The following DNAI3 variants were observed in gnomAD, a reference collection of about 807,000 sequenced individuals.
The protein encoded by DNAI3 is dynein axonemal intermediate chain 3.
A neutral mutation model predicts 115.5 loss-of-function variants in DNAI3; 83 were observed. That is an observed-to-expected ratio of 0.72 (90% CI 0.60 to 0.86). The LOEUF is 0.86. DNAI3 is among the 40% of genes least tolerant of loss of function. The pLI is 0.00. For missense variants in DNAI3, 1,004 were observed against 1,075.8 expected, an observed-to-expected ratio of 0.93 and a Z score of 0.93; for synonymous variants, 320 against 347.0, an observed-to-expected ratio of 0.92 and a Z score of 0.86.
intron 7 of DNAI3, among the ~76,000 whole-genome samples, chr1:85,087,961 G>A (rs1654847836): frequency 6.6e-6 from 1 of 152,118 alleles, no homozygotes; most frequent in African/African-American, 2.4e-5. Context: ...CAAGAAATGA[G>A]TCAGAAACAA....
At chr1:85,084,478 A>ATG in intron 5 of DNAI3, 68 bp from the exon 6 acceptor site, 1 of 1,116,356 alleles carries the variant, frequency 9.0e-7, no homozygotes, top group South Asian at 3.9e-5. Flanking sequence ...TGCAAAATAT[A>ATG]TATATATATA....
intron 14 of DNAI3, 127 bp downstream of exon 14, chr1:85,104,724 G>A: frequency 1.3e-6 from 1 of 753,888 alleles, no homozygotes; most frequent in South Asian, 1.9e-5. Context: ...ATAACTAAAT[G>A]AAAGAATGTT....
At chr1:85,095,833 G>T (rs1655106030) in intron 10 of DNAI3, 98 bp from the exon 11 acceptor site, 7 of 1,150,372 alleles carry the variant, frequency 6.1e-6, no homozygotes, top group South Asian at 1.3e-5. Context: ...CTTATAGATA[G>T]CTATAAAATT....
At chr1:85,121,857 T>C in intron 18 of DNAI3, 43 bp downstream of exon 18, 1 of 1,593,540 alleles carries the variant, frequency 6.3e-7, no homozygotes, top group Non-Finnish European at 8.6e-7. Flanking sequence ...ATGTTCCTTT[T>C]AATTTAAACT....
At chr1:85,067,819 T>G (rs1163393438) in intron 1 of DNAI3, among the ~76,000 whole-genome samples, 1 of 152,110 alleles carries the variant, frequency 6.6e-6, no homozygotes, top group East Asian at 1.9e-4. Flanking sequence ...CTCTAGAGAT[T>G]GGAAAAGGCA....
At chr1:85,113,498 CA>C (rs1655718213) in intron 16 of DNAI3, among the ~76,000 whole-genome samples, 1 of 152,104 alleles carries the variant, frequency 6.6e-6, no homozygotes, top group African/African-American at 2.4e-5. Context: ...GCACCTTTGT[CA>C]AAAAACACTT....
chr1:85,103,833 G>C (rs1655402013), intron 13 of DNAI3, among the ~76,000 whole-genome samples: 1 of 151,062 alleles, frequency 6.6e-6, no homozygotes, highest in Non-Finnish European at 1.5e-5. Flanking sequence ...GTTGCAGTGA[G>C]CTGAGATTGT....
intron 16 of DNAI3, among the ~76,000 whole-genome samples, chr1:85,116,396 A>G (rs1276890225): frequency 3.3e-5 from 5 of 152,190 alleles, no homozygotes; most frequent in Admixed American, 6.5e-5. Flanking sequence ...TTGTAACCCT[A>G]TAGATCAGGG....
chr1:85,119,556 C>T (rs1399183957), intron 17 of DNAI3, among the ~76,000 whole-genome samples: 1 of 152,220 alleles, frequency 6.6e-6, no homozygotes, highest in Non-Finnish European at 1.5e-5. Context: ...CCTGCTCAAA[C>T]TCTTCAGTGA....
At chr1:85,068,768 T>G (rs1010947247) in intron 1 of DNAI3, among the ~76,000 whole-genome samples, 1 of 152,168 alleles carries the variant, frequency 6.6e-6, no homozygotes, top group African/African-American at 2.4e-5. Flanking sequence ...GATCATACAT[T>G]CCCACCTTCT....
chr1:85,111,475 A>T (rs533976929), intron 16 of DNAI3, among the ~76,000 whole-genome samples: 46 of 152,272 alleles, frequency 3.0e-4, no homozygotes, highest in Non-Finnish European at 4.0e-4. Flanking sequence ...TCATTCATTT[A>T]ACAGATATTT....
At chr1:85,080,439 G>T (rs1293877751) in intron 3 of DNAI3, among the ~76,000 whole-genome samples, 1 of 152,202 alleles carries the variant, frequency 6.6e-6, no homozygotes, top group Non-Finnish European at 1.5e-5. Context: ...TTGAATGGAT[G>T]CTGGTGGCTG....
At chr1:85,100,684 T>A (rs1655271393) in intron 13 of DNAI3, among the ~76,000 whole-genome samples, 2 of 152,190 alleles carry the variant, frequency 1.3e-5, no homozygotes, top group African/African-American at 4.8e-5. Flanking sequence ...GTATGTTTAT[T>A]GCGGCACTAT....
intron 1 of DNAI3, among the ~76,000 whole-genome samples, chr1:85,070,650 GT>G (rs2100554114): frequency 6.6e-6 from 1 of 152,224 alleles, no homozygotes; most frequent in South Asian, 2.1e-4. Context: ...AAAGATAAAT[GT>G]TTCAGATGAT....
intron 3 of DNAI3, among the ~76,000 whole-genome samples, chr1:85,074,844 A>G (rs1654403287): frequency 6.6e-6 from 1 of 152,152 alleles, no homozygotes; most frequent in South Asian, 2.1e-4. Flanking sequence ...TTTAATGTAT[A>G]TTGTTGATTC....
At chr1:85,075,639 C>T (rs1654429231) in intron 3 of DNAI3, among the ~76,000 whole-genome samples, 1 of 152,074 alleles carries the variant, frequency 6.6e-6, no homozygotes, top group Admixed American at 6.6e-5. Flanking sequence ...AACAAGGAGC[C>T]AAGGTATCAA....
Position 85,082,389 on chromosome 1 carries a change from A to C in DNAI3, c.375A>C (p.Lys125Asn), listed in dbSNP as rs1389103701. 3 of 1,612,620 alleles carry C rather than the reference A, an allele frequency of 1.9e-6. No individual in the cohort carries two copies. Among genetic ancestry groups the C allele is most frequent in the Non-Finnish European group, 2.5e-6 (3 of 1,178,860 alleles). The change falls in exon 5 of 23, where the codon AAA becomes AAC. Residue 125 changes from lysine to asparagine, a missense_variant. Transcript: ENST00000294664. The part of the protein sequence containing the change: ...NFYLIATEEG[K>N]ENYLNPPEVP... Reference sequence around the variant, plus strand: ...ATCTTATTGCAACTGAAGAGGGCAAAGAAAACTATTTAAATGTGAGCAAAC... The same window carrying C: ...ATCTTATTGCAACTGAAGAGGGCAACGAAAACTATTTAAATGTGAGCAAAC...
chr1:85,105,903 G>A lies in DNAI3; in HGVS notation c.1553+1306G>A, dbSNP rs533267864. Among the ~76,000 whole-genome samples the A allele has an allele frequency of 5.9e-5, 9 of 152,262 alleles. 1 individual carries two copies. The South Asian group carries it at 1.5e-3, about 25-fold the overall frequency. The stretch of plus-strand genomic sequence containing the variant: ...GAAATGACAGAGCACCTTGAGTGAC[G>A]ATCCCAACCTGACTGCATGTAATGG... On this transcript the variant is annotated intron_variant, in intron 14 of 22. Coordinates refer to ENST00000294664, the MANE Select transcript of DNAI3 (RefSeq NM_145172.5).
intron 6 of DNAI3, 40 bp from the exon 7 acceptor site, chr1:85,085,791 G>T (rs1318708358): frequency 1.1e-5 from 8 of 750,664 alleles, no homozygotes; most frequent in Non-Finnish European, 1.6e-5. Flanking sequence ...ACACATCAGG[G>T]ACTTCATTAT....
Sources: gnomAD v4.1 joint callset for allele counts (sites outside exome capture counted in the v4.1 genomes callset) on GRCh38, gnomAD v4.1.1 for gene constraint, MANE v1.5 for transcripts, NCBI Gene and HGNC (gene_info 2026-07-23, HGNC 2026-07-21) for gene names.